The following RIMS1 variants were observed in gnomAD, a reference collection of about 807,000 sequenced individuals.
RIMS1 encodes regulating synaptic membrane exocytosis protein 1.
A neutral mutation model predicts 214.1 loss-of-function variants in RIMS1; 83 were observed. The observed-to-expected ratio is 0.39, with a 90% confidence interval of 0.32 to 0.47. The LOEUF (loss-of-function observed/expected upper bound fraction) is 0.47. RIMS1 is among the 20% of genes least tolerant of loss of function. The pLI, the probability that RIMS1 is intolerant of heterozygous loss-of-function variation, is 0.99. For synonymous variants in RIMS1, 793 were observed against 786.8 expected (o/e 1.01, Z -0.13); for missense variants, 2,050 against 2,161.8 (o/e 0.95, Z 1.03).
At chr6:72,248,444 A>G (rs1197345649) in intron 12 of RIMS1, among the ~76,000 whole-genome samples, 1 of 152,168 alleles carries the variant, frequency 6.6e-6, no homozygotes, top group Non-Finnish European at 1.5e-5. Context: ...TTTACACATA[A>G]TATTAGGAGT....
chr6:71,909,708 T>C (rs969149826), intron 1 of RIMS1, among the ~76,000 whole-genome samples: 21 of 152,172 alleles, frequency 1.4e-4, no homozygotes, highest in Admixed American at 1.2e-3. Context: ...GAAGCTCTAT[T>C]TTTTATGTAT....
Position 71,969,029 on chromosome 6 carries a change from A to G in RIMS1, c.211A>G (p.Arg71Gly). Residue 71 changes from arginine (R) to glycine (G), a missense_variant, in exon 2 of 34, where the codon AGA (arginine) becomes GGA (glycine). Around this residue, in one of 6 missense-constraint regions of RIMS1, gnomAD observed 882 missense variants for 828.9 expected, o/e 1.06. Transcript: ENST00000521978. Reference sequence around the variant, plus strand: ...GAAGCCTGCTGCCTGCAAAACACCAAGAAATGCTGAAAACCAGCCCCACCA... The same window carrying G: ...GAAGCCTGCTGCCTGCAAAACACCAGGAAATGCTGAAAACCAGCCCCACCA... ...MAKPAACKTP[R>G]NAENQPHQPS... 6.2e-7 allele frequency: 1 copy of G among 1,614,050 alleles called. No homozygotes were observed.
At chr6:72,075,495 A>G (rs990267492) in intron 2 of RIMS1, among the ~76,000 whole-genome samples, 1 of 152,190 alleles carries the variant, frequency 6.6e-6, no homozygotes, top group Admixed American at 6.5e-5. Context: ...GAAACATGTA[A>G]TAATCATTTG....
intron 2 of RIMS1, among the ~76,000 whole-genome samples, chr6:71,997,472 C>T (rs9442728): frequency 0.13 from 20,065 of 152,132 alleles, 1,391 homozygotes; most frequent in South Asian, 0.19. Context: ...CTTTAAATTG[C>T]TGTCCCTTTC....
intron 2 of RIMS1, among the ~76,000 whole-genome samples, chr6:72,054,863 C>A (rs549575739): frequency 6.6e-6 from 1 of 152,078 alleles, no homozygotes; most frequent in Admixed American, 6.6e-5. Context: ...AATGTTCTCC[C>A]GTTCTGTAGG....
intron 30 of RIMS1, 54 bp from the exon 31 acceptor site, chr6:72,392,644 A>C: frequency 1.7e-6 from 2 of 1,208,912 alleles, no homozygotes; most frequent in South Asian, 2.4e-5. Context: ...AGTGAAAAGA[A>C]TTCTAGAAGA....
intron 28 of RIMS1, among the ~76,000 whole-genome samples, chr6:72,320,203 G>C (rs1226102822): frequency 1.3e-4 from 20 of 152,082 alleles, no homozygotes; most frequent in Admixed American, 1.2e-3. Flanking sequence ...CCCATGGACT[G>C]TTGGTGTTCT....
chr6:72,182,788 G>A lies in RIMS1; in HGVS notation c.1317G>A (p.Pro439=), dbSNP rs1410925622. ...SAERTAETRA[P]GAKQLTNHSP... ...AGAGAACTGCGGAGACCAGGGCGCC[G>A]GGCGCCAAGCAGCTAACGAACCACA... is the stretch of plus-strand genomic sequence containing the variant. Residue 439 remains proline, a synonymous_variant, in exon 6 of 34, where the codon CCG becomes CCA. Transcript: ENST00000521978. 12 of 1,546,156 alleles carry A rather than the reference G, an allele frequency of 7.8e-6. No homozygotes were observed. Among genetic ancestry groups the A allele is most frequent in the African/African-American group, 4.1e-5 (3 of 73,154 alleles).
Position 72,075,549 on chromosome 6 carries a change from C to T in RIMS1, c.246-21400C>T, listed in dbSNP as rs1831604919. Among the ~76,000 whole-genome samples the T allele has an allele frequency of 1.3e-5, 2 of 152,184 alleles. 1 individual carries two copies. The highest frequency in any genetic ancestry group is 4.1e-4 in the South Asian group (2 of 4,824). On this transcript the variant is annotated intron_variant, in intron 2 of 33. Coordinates refer to ENST00000521978, the MANE Select transcript of RIMS1 (RefSeq NM_014989.7). The stretch of plus-strand genomic sequence containing the variant: ...GTCATATTCTGGTTGTGGTAAACTT[C>T]ATTTTTCACTTCTACATGGACTATC...
At chr6:72,153,573 A>G (rs912747827) in intron 4 of RIMS1, among the ~76,000 whole-genome samples, 5 of 152,312 alleles carry the variant, frequency 3.3e-5, no homozygotes, top group African/African-American at 1.2e-4. Flanking sequence ...TTTTTACAAT[A>G]AATTATGCAA....
intron 1 of RIMS1, among the ~76,000 whole-genome samples, chr6:71,945,869 C>A (rs1348662711): frequency 5.9e-5 from 9 of 151,734 alleles, no homozygotes; most frequent in Admixed American, 2.0e-4. Context: ...CCTGCCTCAG[C>A]CTCCCAAGTA....
At chr6:72,126,174 A>AG (rs57186603) in intron 4 of RIMS1, among the ~76,000 whole-genome samples, 150,253 of 152,310 alleles carry the variant, frequency 0.99, 74,140 homozygotes, top group East Asian at 1. Context: ...AATTGGAGAA[A>AG]GGCACCCTGT....
chr6:72,391,702 A>G (rs764508588), intron 30 of RIMS1, among the ~76,000 whole-genome samples: 1 of 152,292 alleles, frequency 6.6e-6, no homozygotes, highest in Non-Finnish European at 1.5e-5. Flanking sequence ...AGTTGGTCAA[A>G]TGATTGGCTT....
chr6:72,069,373 C>A (rs527960388), intron 2 of RIMS1, among the ~76,000 whole-genome samples: 1 of 152,296 alleles, frequency 6.6e-6, no homozygotes, highest in Non-Finnish European at 1.5e-5. Flanking sequence ...AGCTCACTGT[C>A]CAGCTTCTCT....
intron 22 of RIMS1, among the ~76,000 whole-genome samples, chr6:72,269,175 A>G (rs79964657): frequency 0.015 from 2,272 of 152,236 alleles, 19 homozygotes; most frequent in Non-Finnish European, 0.017. Flanking sequence ...CTGTAGCTGT[A>G]CTGAAGTTCT....
intron 2 of RIMS1, among the ~76,000 whole-genome samples, chr6:72,070,720 AAATTT>A (rs1382462564): frequency 6.6e-6 from 1 of 152,174 alleles, no homozygotes; most frequent in Non-Finnish European, 1.5e-5. Context: ...TTACATTTTA[AAATTT>A]CTTTGGTCAA....
intron 29 of RIMS1, among the ~76,000 whole-genome samples, chr6:72,348,893 A>G (rs1183519034): frequency 6.6e-6 from 1 of 152,060 alleles, no homozygotes; most frequent in Admixed American, 6.6e-5. Flanking sequence ...ATTAATTTAC[A>G]ACATCCTTTT....
intron 17 of RIMS1, among the ~76,000 whole-genome samples, 181 bp downstream of exon 17, chr6:72,258,462 C>T (rs1424304209): frequency 2.0e-5 from 3 of 152,194 alleles, no homozygotes; most frequent in East Asian, 3.9e-4. Flanking sequence ...GTTGTTTAAT[C>T]TGAAGAAATT....
chr6:71,992,356 A>G (rs1329470992), intron 2 of RIMS1, among the ~76,000 whole-genome samples: 1 of 151,366 alleles, frequency 6.6e-6, no homozygotes, highest in Admixed American at 6.6e-5. Context: ...ATATAGTTTA[A>G]TCTTTTTTCC....
Sources: allele counts gnomAD v4.1 joint callset (sites outside exome capture counted in the v4.1 genomes callset), GRCh38; gene constraint gnomAD v4.1.1; regional missense constraint gnomAD v4.1.1; transcripts MANE v1.5; gene names NCBI Gene and HGNC (gene_info 2026-07-23, HGNC 2026-07-21).